KDM4B: variants seen among roughly 807,000 people sequenced by gnomAD.
KDM4B encodes the protein lysine demethylase 4B, also known as lysine-specific demethylase 4B.
In KDM4B, 32 loss-of-function variants were observed where a neutral mutation model predicts 125.2. That is an observed-to-expected ratio of 0.26 (90% CI 0.19 to 0.34). KDM4B has a LOEUF of 0.34. Ranked by LOEUF, KDM4B falls within the 10% of genes least tolerant of loss-of-function variation. KDM4B has a pLI of 1.00. For synonymous variants in KDM4B, 721 were observed against 677.9 expected (o/e 1.06, Z -0.99); for missense variants, 1,190 against 1,577.7 (o/e 0.75, Z 4.16).
At chr19:4,977,905 A>G (rs2034503839) in intron 1 of KDM4B, among the ~76,000 whole-genome samples, 1 of 152,144 alleles carries the variant, frequency 6.6e-6, no homozygotes. Flanking sequence ...AGCAGGACCC[A>G]AGCCAGGCTG....
intron 1 of KDM4B, among the ~76,000 whole-genome samples, chr19:5,003,997 C>G (rs1385290448): frequency 6.6e-6 from 1 of 152,184 alleles, no homozygotes; most frequent in Non-Finnish European, 1.5e-5. Context: ...GTGCGTCTGG[C>G]TCCCCTCTGC....
At chr19:5,151,216 G>A (rs2039941250) in intron 22 of KDM4B, 119 bp from the exon 23 acceptor site, 1 of 873,660 alleles carries the variant, frequency 1.1e-6, no homozygotes, top group Non-Finnish European at 1.6e-6. Flanking sequence ...CTGCTGAGCA[G>A]CCCCCACAGC....
intron 9 of KDM4B, among the ~76,000 whole-genome samples, chr19:5,101,914 G>T (rs958710662): frequency 1.3e-5 from 2 of 152,164 alleles, no homozygotes; most frequent in African/African-American, 4.8e-5. Flanking sequence ...ATCCTCCACT[G>T]TGCCCAGTGT....
At position 5,021,578 on chromosome 19, in the gene KDM4B, A is replaced by G. The variant is rs73542504; in HGVS notation, c.-26+5239A>G. ...ATACAGCAAGACCCTGTTTCAAAAA[A>G]TAAAATAAAAAACAAACACTGAAGG... On this transcript the variant is annotated intron_variant, in intron 2 of 22. Coordinates refer to ENST00000159111, the MANE Select transcript of KDM4B (RefSeq NM_015015.3). Among the ~76,000 whole-genome samples, 1,423 of 152,274 alleles carry G rather than the reference A, an allele frequency of 9.3e-3. 37 individuals are homozygous for G. The highest frequency in any genetic ancestry group is 0.065 in the South Asian group (313 of 4,824).
chr19:5,043,145 CGA>C (rs2036876711), intron 5 of KDM4B, among the ~76,000 whole-genome samples: 2 of 149,128 alleles, frequency 1.3e-5, no homozygotes, highest in African/African-American at 2.5e-5. Flanking sequence ...CACCTTGTCC[CGA>C]GTGGTGTTTA....
chr19:5,110,027 G>A (rs552999305), intron 9 of KDM4B, among the ~76,000 whole-genome samples: 3 of 152,194 alleles, frequency 2.0e-5, no homozygotes, highest in Non-Finnish European at 4.4e-5. Flanking sequence ...CTGTGCGTGG[G>A]GCAGTGCCCA....
In KDM4B at chr19:5,018,663, A is replaced by G. The variant is rs545828699; in HGVS notation, c.-26+2324A>G. Among the ~76,000 whole-genome samples, 30 of 152,344 alleles carry G rather than the reference A, an allele frequency of 2.0e-4. No homozygotes were observed. In the South Asian group the frequency reaches 6.0e-3, roughly 31 times the overall value. ...ACAGGGCTGGGCAGCATCACCACTC[A>G]TTCCGGAGCATCTCATTGTCCCAGA... On this transcript the variant is annotated intron_variant, in intron 2 of 22. Transcript: ENST00000159111.
intron 1 of KDM4B, among the ~76,000 whole-genome samples, chr19:4,995,415 A>T (rs935060022): frequency 6.6e-6 from 1 of 151,862 alleles, no homozygotes; most frequent in African/African-American, 2.4e-5. Context: ...AGTAGCTGGG[A>T]TTACAGGCAC....
At chr19:5,022,047 T>C (rs263062) in intron 2 of KDM4B, among the ~76,000 whole-genome samples, 51,074 of 151,972 alleles carry the variant, frequency 0.34, 9,076 homozygotes, top group East Asian at 0.69. Context: ...CCTCTGCAGT[T>C]TGGGGGTCCT....
At chr19:5,087,755 C>T (rs369313166) in intron 9 of KDM4B, among the ~76,000 whole-genome samples, 13 of 152,336 alleles carry the variant, frequency 8.5e-5, no homozygotes, top group Non-Finnish European at 1.6e-4. Context: ...TCTGCAGCCT[C>T]GGTGTGCGAC....
rs1444044033 is a variant in KDM4B, at chr19:4,971,903, A to G, written c.-109+2673A>G. Among the ~76,000 whole-genome samples, 2 of 147,910 alleles carry G rather than the reference A, an allele frequency of 1.4e-5. No individual in the cohort carries two copies. The highest frequency in any genetic ancestry group is 3.0e-5 in the Non-Finnish European group (2 of 67,280). ...GGGGGCACTAAATCTTTCGGAGCCCACTGGGCAGGAGGGGACGGAGAGCAG... is the reference window on the plus strand; with the variant it reads ...GGGGGCACTAAATCTTTCGGAGCCCGCTGGGCAGGAGGGGACGGAGAGCAG... On this transcript the variant is annotated intron_variant, in intron 1 of 22. Transcript: ENST00000159111. This position sits in a 1 kb window ranked among gnomAD's most constrained non-coding sequence, Gnocchi z 4.1.
chr19:5,053,482 G>A (rs963709798), intron 6 of KDM4B, among the ~76,000 whole-genome samples: 3 of 152,174 alleles, frequency 2.0e-5, no homozygotes, highest in African/African-American at 7.2e-5. Flanking sequence ...GAGGGACCCT[G>A]GTCATTAGAA....
rs2038351281 is a variant in KDM4B at position 5,082,995 on chromosome 19, A to G, written c.918+491A>G. On this transcript the variant is annotated intron_variant, in intron 9 of 22. Coordinates refer to ENST00000159111, the MANE Select transcript of KDM4B (RefSeq NM_015015.3). This position sits in a 1 kb window ranked among gnomAD's most constrained non-coding sequence, Gnocchi z 5.4. ...CCCCCTCCCTCCCTGCTCCCCTGTC[A>G]GTGGCAGTCCCCCAGCTCCCAGTGC... 6.6e-6 allele frequency among the ~76,000 whole-genome samples: 1 copy of G among 151,968 alleles called. No individual in the cohort carries two copies. Among genetic ancestry groups the G allele is most frequent in the African/African-American group, 2.4e-5 (1 of 41,374 alleles).
chr19:5,113,220 G>C (rs1279094986), intron 10 of KDM4B: 1 of 151,690 alleles, frequency 6.6e-6, no homozygotes, highest in Admixed American at 6.6e-5. Flanking sequence ...CCTCTCCCGC[G>C]CCGCCATCCT....
At chr19:5,048,603 G>A (rs1003227791) in intron 6 of KDM4B, among the ~76,000 whole-genome samples, 2 of 99,822 alleles carry the variant, frequency 2.0e-5, no homozygotes, top group Non-Finnish European at 2.4e-5. Flanking sequence ...AGCGGGGAGA[G>A]GGGGGGGCGG....
At chr19:5,014,576 A>G (rs970438908) in intron 1 of KDM4B, among the ~76,000 whole-genome samples, 1 of 151,882 alleles carries the variant, frequency 6.6e-6, no homozygotes, top group African/African-American at 2.4e-5. Flanking sequence ...CGCCTGGCCT[A>G]AGTTTTAAAT....
At chr19:5,030,325 T>C (rs2145605719) in intron 2 of KDM4B, among the ~76,000 whole-genome samples, 1 of 152,332 alleles carries the variant, frequency 6.6e-6, no homozygotes, top group East Asian at 1.9e-4. Context: ...CGTCCAGCCC[T>C]GCCCCAGGCC....
chr19:5,088,780 C>T (rs552758023), intron 9 of KDM4B, among the ~76,000 whole-genome samples: 5 of 151,650 alleles, frequency 3.3e-5, no homozygotes, highest in East Asian at 2.0e-4. Flanking sequence ...ATCCGCACAT[C>T]CCTTGGGGCA....
chr19:4,990,520 G>C (rs899304388), intron 1 of KDM4B, among the ~76,000 whole-genome samples: 15 of 152,290 alleles, frequency 9.8e-5, no homozygotes, highest in African/African-American at 3.6e-4. Flanking sequence ...GGCTGTGCCT[G>C]GGATCCTGGG....
Sources: allele counts gnomAD v4.1 joint callset (sites outside exome capture counted in the v4.1 genomes callset), GRCh38; gene constraint gnomAD v4.1.1; non-coding constraint Gnocchi (gnomAD v3.1); transcripts MANE v1.5; gene names NCBI Gene and HGNC (gene_info 2026-07-23, HGNC 2026-07-21).